Variants in SPATA31G1 observed in about 807,000 individuals in gnomAD.
SPATA31G1 encodes spermatogenesis-associated protein 31G1.
At chr9:35,045,696 C>T in the SPATA31G1 span, 5 of 1,614,176 alleles carry the variant, frequency 3.1e-6, no homozygotes, top group South Asian at 3.3e-5. Context: ...AGAGGCAGGG[C>T]GAAGAGCAAG....
At chr9:35,044,781 C>T in the SPATA31G1 span, 1 of 1,614,010 alleles carries the variant, frequency 6.2e-7, no homozygotes, top group Non-Finnish European at 8.5e-7. Context: ...TCCCCAAGGC[C>T]CCAGCCCTCT....
chr9:35,045,840 C>T, the SPATA31G1 span: 6 of 1,610,796 alleles, frequency 3.7e-6, no homozygotes, highest in East Asian at 6.7e-5. Flanking sequence ...GGATAACCAT[C>T]GACCCCTACC....
the SPATA31G1 span, chr9:35,043,534 C>T: frequency 6.2e-7 from 1 of 1,614,168 alleles, no homozygotes; most frequent in South Asian, 1.1e-5. Context: ...TTATCTGGCG[C>T]TGAGGCACCC....
At chr9:35,043,293 TGGTC>T in the SPATA31G1 span, 5 of 1,614,224 alleles carry the variant, frequency 3.1e-6, no homozygotes, top group East Asian at 2.2e-5. Flanking sequence ...TCCTCTGAAG[TGGTC>T]TGTTTGTTCT....
At chr9:35,045,564 A>C in the SPATA31G1 span, 1 of 1,614,206 alleles carries the variant, frequency 6.2e-7, no homozygotes, top group Non-Finnish European at 8.5e-7. Flanking sequence ...CCAGGCCAGA[A>C]GCCTAGTAGA....
chr9:35,041,962 G>GT, the SPATA31G1 span: 1 of 314,132 alleles, frequency 3.2e-6, no homozygotes, highest in Non-Finnish European at 5.9e-6. Context: ...AAATTAAGTA[G>GT]TTTGAGTTTT....
chr9:35,045,072 C>T, the SPATA31G1 span: 1 of 1,614,086 alleles, frequency 6.2e-7, no homozygotes, highest in Admixed American at 1.7e-5. Flanking sequence ...CTCCCCTATT[C>T]TGAGCTCCAC....
At chr9:35,044,454 C>A in the SPATA31G1 span, 3 of 1,614,162 alleles carry the variant, frequency 1.9e-6, no homozygotes, top group Non-Finnish European at 2.5e-6. Context: ...TAACTTACCC[C>A]AAGACCTGCA....
At chr9:35,045,888 T>G in the SPATA31G1 span, 1 of 1,567,568 alleles carries the variant, frequency 6.4e-7, no homozygotes, top group Non-Finnish European at 8.6e-7. Flanking sequence ...CTGGTAATAC[T>G]AGCACTTGGT....
the SPATA31G1 span, chr9:35,042,875 G>T: frequency 1.9e-6 from 3 of 1,613,998 alleles, no homozygotes; most frequent in Non-Finnish European, 2.5e-6. Context: ...TACCACTTCT[G>T]CACCGTGTGG....
chr9:35,044,491 C>T, the SPATA31G1 span: 2 of 1,614,194 alleles, frequency 1.2e-6, no homozygotes, highest in Non-Finnish European at 1.7e-6. Flanking sequence ...GGAGTCTTGT[C>T]TGATTCTCAG....
chr9:35,044,086 G>A, the SPATA31G1 span: 1 of 1,614,038 alleles, frequency 6.2e-7, no homozygotes, highest in Non-Finnish European at 8.5e-7. Flanking sequence ...CTAGTAATGG[G>A]CCCCCAGGGA....
the SPATA31G1 span, chr9:35,043,024 C>A: frequency 2.6e-5 from 42 of 1,614,010 alleles, 1 homozygote; most frequent in African/African-American, 4.9e-4. Context: ...GGAGAGCAAG[C>A]CACTCCAGCC....
the SPATA31G1 span, chr9:35,042,840 A>G: frequency 3.7e-6 from 6 of 1,603,132 alleles, no homozygotes; most frequent in Non-Finnish European, 4.3e-6. Context: ...ATGCCTGAGA[A>G]TATCTTTATC....
the SPATA31G1 span, chr9:35,045,074 G>A: frequency 7.4e-6 from 12 of 1,614,044 alleles, no homozygotes; most frequent in Middle Eastern, 9.9e-4. Flanking sequence ...CCCCTATTCT[G>A]AGCTCCACAA....
chr9:35,044,798 G>A, the SPATA31G1 span: 6 of 1,614,052 alleles, frequency 3.7e-6, no homozygotes, highest in East Asian at 1.1e-4. Context: ...CTCTGGCAGT[G>A]GATCCCCTAC....
chr9:35,043,303 G>T, the SPATA31G1 span: 7 of 1,614,082 alleles, frequency 4.3e-6, no homozygotes, highest in East Asian at 1.6e-4. Flanking sequence ...TGGTCTGTTT[G>T]TTCTTCTGTC....
the SPATA31G1 span, chr9:35,043,311 GTCT>G: frequency 1.2e-6 from 2 of 1,614,048 alleles, no homozygotes; most frequent in African/African-American, 2.7e-5. Flanking sequence ...TTGTTCTTCT[GTCT>G]TCTTCAACAA....
At chr9:35,043,017 G>C in the SPATA31G1 span, 1 of 1,614,136 alleles carries the variant, frequency 6.2e-7, no homozygotes, top group Non-Finnish European at 8.5e-7. Flanking sequence ...TCCCACTGGA[G>C]AGCAAGCCAC....
Sources: gnomAD v4.1 joint callset for allele counts on GRCh38, gnomAD v4.1.1 for gene constraint, MANE v1.5 for transcripts, NCBI Gene and HGNC (gene_info 2026-07-23, HGNC 2026-07-21) for gene names.